Variants in MFSD11 observed in about 807,000 individuals in gnomAD.
MFSD11 encodes the protein major facilitator superfamily domain containing 11, also known as UNC93-like protein MFSD11.
MFSD11 carries 36 observed loss-of-function variants against 53.5 expected under a neutral mutation model. The observed-to-expected ratio is 0.67, with a 90% CI of 0.52 to 0.89. The LOEUF is 0.89. MFSD11 is among the 40% of genes least tolerant of loss of function. MFSD11 has a pLI of 0.00. For missense variants in MFSD11, 530 were observed against 543.9 expected (o/e 0.97, Z 0.25); for synonymous variants, 186 against 184.9 (o/e 1.01, Z -0.05).
intron 7 of MFSD11, among the ~76,000 whole-genome samples, chr17:76,745,218 G>A (rs747449559): frequency 1.3e-5 from 2 of 152,114 alleles, no homozygotes; most frequent in Admixed American, 1.3e-4. Flanking sequence ...TAAAACTTTC[G>A]CATTGAGCAT....
downstream of MFSD11, among the ~76,000 whole-genome samples, chr17:76,783,250 G>C (rs1158951325): frequency 6.6e-6 from 1 of 152,004 alleles, no homozygotes; most frequent in Non-Finnish European, 1.5e-5. Context: ...CATACTTGTA[G>C]CTAAGTAAAT....
rs953678880 is a variant in MFSD11 at position 76,774,107 on chromosome 17, C to T, written c.875-890C>T. Reference sequence around the variant, plus strand: ...CACCTGGCTAATTTTTGTATTTTTACTAGAGACAGGGTTTCACCATGTTGG... The same window carrying T: ...CACCTGGCTAATTTTTGTATTTTTATTAGAGACAGGGTTTCACCATGTTGG... On this transcript the variant is annotated intron_variant, in intron 10 of 12. Coordinates refer to ENST00000685175, the MANE Select transcript of MFSD11 (RefSeq NM_001242532.5). Among the ~76,000 whole-genome samples the T allele has an allele frequency of 1.6e-4, 24 of 151,112 alleles. No individual in the cohort carries two copies. In the South Asian group the frequency reaches 4.8e-3, roughly 31 times the overall value.
chr17:76,753,897 C>A, intron 7 of MFSD11, 150 bp from the exon 8 acceptor site: 3 of 596,952 alleles, frequency 5.0e-6, no homozygotes, highest in South Asian at 2.2e-5. Context: ...TGAGGGACAC[C>A]CTGAGGCAAG....
intron 7 of MFSD11, among the ~76,000 whole-genome samples, chr17:76,746,851 T>G (rs1176913266): frequency 6.6e-6 from 1 of 152,220 alleles, no homozygotes; most frequent in East Asian, 1.9e-4. Flanking sequence ...AGGAGATGAA[T>G]GTTGTTTTCA....
At chr17:76,745,976 T>A (rs2078508764) in intron 7 of MFSD11, among the ~76,000 whole-genome samples, 1 of 152,140 alleles carries the variant, frequency 6.6e-6, no homozygotes, top group Non-Finnish European at 1.5e-5. Flanking sequence ...TAATGACTAA[T>A]CAAGAAATGA....
chr17:76,765,452 CTTTTTTTTTTTTTTT>C (rs59878271), intron 8 of MFSD11, among the ~76,000 whole-genome samples: 5 of 91,470 alleles, frequency 5.5e-5, no homozygotes, highest in Admixed American at 1.1e-4. Flanking sequence ...CTTGAATTTC[CTTTTTTTTTTTTTTT>C]TTTTTTTTTT....
intron 9 of MFSD11, 45 bp downstream of exon 9, chr17:76,767,496 A>G (rs2080958598): frequency 1.6e-6 from 2 of 1,262,272 alleles, no homozygotes; most frequent in African/African-American, 1.5e-5. Flanking sequence ...CATAATGACA[A>G]TAAGGAGTTG....
In MFSD11 at chr17:76,742,207, C is replaced by G; in HGVS notation, c.371C>G (p.Thr124Arg). The G allele has an allele frequency of 6.2e-7, 1 of 1,614,174 alleles. No individual in the cohort carries two copies. The change falls in exon 5 of 13, where the codon ACA (threonine) becomes AGA (arginine). Residue 124 changes from threonine (T) to arginine (R), a missense_variant. Thr to Arg is a moderately conservative substitution (Grantham distance 71, BLOSUM62 -1). Transcript: ENST00000685175. ...TGGACAGCACAAGGAAACTGCCTGA[C>G]AATCAATTCGGATGAGCACAGCATT... ...VLWTAQGNCL[T>R]INSDEHSIGR...
chr17:76,736,926 C>T (rs2143947437), upstream of MFSD11: 1 of 1,612,976 alleles, frequency 6.2e-7, no homozygotes, highest in Non-Finnish European at 8.5e-7. Flanking sequence ...CCGTCCAGCA[C>T]GGCCCCGTCC....
chr17:76,775,884 G>A (rs1428004974), intron 11 of MFSD11, among the ~76,000 whole-genome samples: 1 of 152,166 alleles, frequency 6.6e-6, no homozygotes, highest in Non-Finnish European at 1.5e-5. Context: ...CTTCACAAAT[G>A]GTTGAGACCA....
chr17:76,794,676 AC>A, the MFSD11 span, among the ~76,000 whole-genome samples: 1 of 93,568 alleles, frequency 1.1e-5, no homozygotes, highest in East Asian at 3.5e-4. Flanking sequence ...AAGAAGATGT[AC>A]TCTTTTTTTT....
intron 8 of MFSD11, among the ~76,000 whole-genome samples, chr17:76,766,224 C>T (rs759388000): frequency 2.8e-4 from 42 of 151,692 alleles, no homozygotes; most frequent in African/African-American, 9.7e-4. Context: ...CGAGACCAGC[C>T]TGGCCAACAT....
intron 7 of MFSD11, among the ~76,000 whole-genome samples, chr17:76,749,652 G>A (rs2078874187): frequency 6.6e-6 from 1 of 152,106 alleles, no homozygotes. Flanking sequence ...AGCACTTTGG[G>A]AGGCCGAGGT....
chr17:76,781,189 G>A (rs2082155558), downstream of MFSD11: 1 of 152,168 alleles, frequency 6.6e-6, no homozygotes, highest in Admixed American at 6.5e-5. Context: ...TATAGTTGTT[G>A]CAGGAGTCAG....
the MFSD11 span, among the ~76,000 whole-genome samples, chr17:76,794,641 C>CAAAA: frequency 4.3e-3 from 280 of 65,420 alleles, 11 homozygotes; most frequent in African/African-American, 0.019. Context: ...AACTCTGTCT[C>CAAAA]AAAAAAAAAA....
chr17:76,769,964 TTC>T (rs1162917269), intron 10 of MFSD11, 93 bp downstream of exon 10: 13 of 1,160,758 alleles, frequency 1.1e-5, no homozygotes, highest in African/African-American at 6.4e-5. Flanking sequence ...GTCCTTGAAT[TTC>T]TGTTTTTTCT....
At chr17:76,737,329 A>G, upstream of MFSD11, 1 of 872,652 alleles carries the variant, frequency 1.1e-6, no homozygotes, top group South Asian at 2.1e-5. Context: ...CTGAGTAACA[A>G]CTGGGCGGGC....
chr17:76,797,497 A>G, the MFSD11 span, among the ~76,000 whole-genome samples: 1 of 152,142 alleles, frequency 6.6e-6, no homozygotes, highest in African/African-American at 2.4e-5. Context: ...GAGGATGACT[A>G]AAGTTCCCTT....
At chr17:76,757,260 C>T (rs984433674) in intron 8 of MFSD11, among the ~76,000 whole-genome samples, 2 of 152,172 alleles carry the variant, frequency 1.3e-5, no homozygotes, top group Admixed American at 6.5e-5. Context: ...CTTTGCATTA[C>T]GGAGCTTGTC....
Sources: allele counts gnomAD v4.1 joint callset (sites outside exome capture counted in the v4.1 genomes callset), GRCh38; gene constraint gnomAD v4.1.1; transcripts MANE v1.5; gene names NCBI Gene and HGNC (gene_info 2026-07-23, HGNC 2026-07-21).